Variants in CLIP1 observed in about 807,000 individuals in gnomAD.
CLIP1 encodes CAP-Gly domain containing linker protein 1.
Under a neutral mutation model 161.6 loss-of-function variants are expected in CLIP1, and 66 were observed. That is an observed-to-expected ratio of 0.41 (90% CI 0.33 to 0.50). The LOEUF (loss-of-function observed/expected upper bound fraction) is 0.50, where lower values mean the gene tolerates loss of function less well. CLIP1 is among the 20% of genes least tolerant of loss of function. The pLI, the probability that CLIP1 is intolerant of heterozygous loss-of-function variation, is 0.27. For missense variants in CLIP1, 1,376 were observed against 1,702.0 expected (o/e 0.81, Z 3.37); for synonymous variants, 598 against 626.2 (o/e 0.96, Z 0.67).
intron 1 of CLIP1, among the ~76,000 whole-genome samples, chr12:122,419,652 T>C (rs1413466774): frequency 6.6e-6 from 1 of 151,098 alleles, no homozygotes; most frequent in Non-Finnish European, 1.5e-5. Flanking sequence ...AAAGCAAGAA[T>C]CGGCCGGGCA....
Position 122,355,479 on chromosome 12 carries a change from G to A in CLIP1, c.1006-167C>T. On this transcript the variant is annotated intron_variant, in intron 5 of 25. Transcript: ENST00000620786. The surrounding 1 kb of genome is among the most constrained non-coding windows in gnomAD (Gnocchi z 4.1). ...TCCTCAAAAACACAAGACAGTGTGTGCCTTCTGTCTATAAATCTCACAAAG... is the reference window on the plus strand; with the variant it reads ...TCCTCAAAAACACAAGACAGTGTGTACCTTCTGTCTATAAATCTCACAAAG... 1 of 608,658 alleles carries A rather than the reference G, an allele frequency of 1.6e-6. No homozygotes were observed. Among genetic ancestry groups the A allele is most frequent in the Non-Finnish European group, 2.9e-6 (1 of 340,972 alleles). 37.7% of individuals were successfully genotyped at this position (608,658 alleles called of 1,614,324 possible). A position where few individuals can be genotyped will look rare whatever the true frequency, so the allele number is the denominator to read the frequency against.
At chr12:122,376,643 T>G (rs1490715746) in intron 3 of CLIP1, among the ~76,000 whole-genome samples, 1 of 151,630 alleles carries the variant, frequency 6.6e-6, no homozygotes, top group Non-Finnish European at 1.5e-5. Context: ...ATTTTTTTTG[T>G]ATTTTTTTAG....
chr12:122,380,551 G>T lies in CLIP1; in HGVS notation c.-99C>A. ...GGTTCTATAGTGAAGTCAGTCTCTG[G>T]ATTAAATCTGCAAAGAGAAAGAAAT... On this transcript the variant is annotated 5_prime_UTR_variant, in exon 2 of 26. Coordinates refer to ENST00000620786, the MANE Select transcript of CLIP1 (RefSeq NM_001247997.2). 1 of 621,984 alleles carries T rather than the reference G, an allele frequency of 1.6e-6. No individual in the cohort carries two copies. The highest frequency in any genetic ancestry group is 2.8e-6 in the Non-Finnish European group (1 of 360,288). 38.5% of individuals were successfully genotyped at this position (621,984 alleles called of 1,614,324 possible).
chr12:122,367,811 G>C (rs1372660308), intron 3 of CLIP1, among the ~76,000 whole-genome samples: 1 of 151,950 alleles, frequency 6.6e-6, no homozygotes, highest in East Asian at 1.9e-4. Flanking sequence ...CTGAGGCCAG[G>C]AGTTTGAGAC....
chr12:122,272,124 GTA>G lies in CLIP1; in HGVS notation c.*749_*750del, dbSNP rs1198822734. ...ATGTCCAAAAAGAAAGACACATTGT[GTA>G]TGTTTTTTTCCCAAAATATAGATTT... On this transcript the variant is annotated 3_prime_UTR_variant, in exon 26 of 26. Coordinates refer to ENST00000620786, the MANE Select transcript of CLIP1 (RefSeq NM_001247997.2). 6.6e-6 allele frequency: 1 copy of G among 152,282 alleles called. No homozygotes were observed. The highest frequency in any genetic ancestry group is 1.5e-5 in the Non-Finnish European group (1 of 68,028). The allele number at this position is 152,282 out of a possible 1,614,324, so 9.4% of individuals were successfully genotyped here.
chr12:122,417,445 A>G (rs145129760), intron 1 of CLIP1, among the ~76,000 whole-genome samples: 2 of 151,710 alleles, frequency 1.3e-5, no homozygotes, highest in East Asian at 3.9e-4. Flanking sequence ...CAGCCTGGTG[A>G]CCGAGTGAGA....
chr12:122,335,435 A>AG (rs961260729), intron 12 of CLIP1, among the ~76,000 whole-genome samples: 19 of 151,672 alleles, frequency 1.3e-4, no homozygotes, highest in Non-Finnish European at 2.4e-4. Context: ...ACTCTAACTT[A>AG]GGGGGAAAAA....
chr12:122,393,793 T>C (rs1311481862), intron 1 of CLIP1, among the ~76,000 whole-genome samples: 1 of 150,904 alleles, frequency 6.6e-6, no homozygotes, highest in Non-Finnish European at 1.5e-5. Flanking sequence ...GCACCAGTAG[T>C]CCCAGCTATT....
chr12:122,341,757 C>CTT (rs1952510340), intron 10 of CLIP1, 60 bp from the exon 11 acceptor site: 3 of 89,000 alleles, frequency 3.4e-5, no homozygotes, highest in African/African-American at 5.2e-5. Flanking sequence ...TGACTATTTT[C>CTT]TTTTCTTTTT....
chr12:122,411,046 C>T (rs902647861), intron 1 of CLIP1, among the ~76,000 whole-genome samples: 2 of 152,084 alleles, frequency 1.3e-5, no homozygotes, highest in South Asian at 2.1e-4. Context: ...AGGTAGAGTT[C>T]GCATATGACC....
In CLIP1 at chr12:122,415,467, G is replaced by A. The variant is rs182513200; in HGVS notation, c.-107+7054C>T. On this transcript the variant is annotated intron_variant, in intron 1 of 25. Transcript: ENST00000620786. ...ACTGCACTCCAGCCTGGGCGACAGA[G>A]TGAGACTCCATCTCAAAAAAAAAAA... 1.2e-4 allele frequency among the ~76,000 whole-genome samples: 17 copies of A among 137,376 alleles called. No homozygotes were observed. The East Asian group carries it at 3.4e-3, about 27-fold the overall frequency. The allele number at this position is 137,376 out of a possible 152,430, so 90.1% of individuals were successfully genotyped here. A position where few individuals can be genotyped will look rare whatever the true frequency, so the allele number is the denominator to read the frequency against.
At chr12:122,375,530 T>G (rs2136758567) in intron 3 of CLIP1, among the ~76,000 whole-genome samples, 1 of 152,282 alleles carries the variant, frequency 6.6e-6, no homozygotes, top group South Asian at 2.1e-4. Flanking sequence ...TTGACCAGGC[T>G]GGTCTTGAAC....
intron 21 of CLIP1, among the ~76,000 whole-genome samples, chr12:122,285,415 C>T (rs754430840): frequency 6.6e-6 from 1 of 151,946 alleles, no homozygotes; most frequent in East Asian, 1.9e-4. Flanking sequence ...TTAGTAGAGA[C>T]GGGGTTTCAC....
Position 122,328,126 on chromosome 12 carries a change from C to T in CLIP1, c.3070G>A (p.Glu1024Lys), listed in dbSNP as rs1347566601. ...GCTCTCTCATACCTGGCTTTCAGCT[C>T]CTGACACTGGTTGTGGCTTGTTTCC... ...KMETSHNQCQ[E>K]LKARYERATS... Residue 1024 changes from glutamate (E) to lysine (K), a missense_variant, in exon 17 of 26, where the codon GAG becomes AAG. Physicochemically the swap from Glu to Lys is moderately conservative, Grantham distance 56. This residue lies in a region of CLIP1 where 948 missense variants were observed against 1,134.8 expected (regional missense o/e 0.84). Transcript: ENST00000620786. 6.2e-7 allele frequency: 1 copy of T among 1,614,152 alleles called. No individual in the cohort carries two copies. Among genetic ancestry groups the T allele is most frequent in the Admixed American group, 1.7e-5 (1 of 60,014 alleles).
At chr12:122,378,364 G>A (rs977817756) in intron 2 of CLIP1, among the ~76,000 whole-genome samples, 1 of 152,172 alleles carries the variant, frequency 6.6e-6, no homozygotes, top group Non-Finnish European at 1.5e-5. Context: ...TAGGATTACA[G>A]GCATGAGCCA....
Position 122,380,578 on chromosome 12 carries a change from A to G in CLIP1, c.-106-20T>C, listed in dbSNP as rs1383714420. ...TTAAATCTGCAAAGAGAAAGAAATA[A>G]AAAGATTTTATAATCTACAGGAGCA... On this transcript the variant is annotated intron_variant, in intron 1 of 25. Transcript: ENST00000620786. 3.7e-6 allele frequency: 2 copies of G among 537,638 alleles called. No individual in the cohort carries two copies. Among genetic ancestry groups the G allele is most frequent in the Non-Finnish European group, 6.5e-6 (2 of 305,884 alleles). The allele number at this position is 537,638 out of a possible 1,614,324, so 33.3% of individuals were successfully genotyped here.
At chr12:122,330,990 C>T (rs901210928) in intron 15 of CLIP1, among the ~76,000 whole-genome samples, 29 of 151,804 alleles carry the variant, frequency 1.9e-4, no homozygotes, top group African/African-American at 6.5e-4. Context: ...GCCTCAGTTT[C>T]GCTCCCTCCC....
At chr12:122,415,212 T>C (rs575350734) in intron 1 of CLIP1, among the ~76,000 whole-genome samples, 7 of 152,172 alleles carry the variant, frequency 4.6e-5, no homozygotes, top group Non-Finnish European at 1.0e-4. Flanking sequence ...CTGGGCGCAG[T>C]GGCTCACGCC....
intron 21 of CLIP1, among the ~76,000 whole-genome samples, chr12:122,281,420 C>T (rs71456731): frequency 2.6e-5 from 4 of 152,108 alleles, no homozygotes; most frequent in Non-Finnish European, 5.9e-5. Flanking sequence ...GGCGCGGTGT[C>T]TCATCCATGT....
Sources: allele counts gnomAD v4.1 joint callset (sites outside exome capture counted in the v4.1 genomes callset), GRCh38; gene constraint gnomAD v4.1.1; regional missense constraint gnomAD v4.1.1; non-coding constraint Gnocchi (gnomAD v3.1); transcripts MANE v1.5; gene names NCBI Gene and HGNC (gene_info 2026-07-23, HGNC 2026-07-21).